RAB31: variants seen among roughly 807,000 people sequenced by gnomAD.
RAB31 encodes the protein RAB31, member RAS oncogene family.
Under a neutral mutation model 25.6 loss-of-function variants are expected in RAB31, and 21 were observed. The observed-to-expected ratio is 0.82, with a 90% CI of 0.58 to 1.18. The LOEUF is 1.18. Among genes scored for constraint, RAB31 ranks in the 50% most tolerant of loss-of-function variants. The probability of loss-of-function intolerance (pLI) is 0.00; values close to 1 mark genes in which losing one functional copy is unlikely to be tolerated. For missense variants in RAB31, 196 were observed against 250.1 expected (o/e 0.78, Z 1.46); for synonymous variants, 87 against 84.0 (o/e 1.04, Z -0.20).
intron 1 of RAB31, among the ~76,000 whole-genome samples, chr18:9,720,249 C>T (rs961812176): frequency 6.6e-6 from 1 of 152,206 alleles, no homozygotes; most frequent in Non-Finnish European, 1.5e-5. Flanking sequence ...CAGGCGTGAG[C>T]CACCACACCC....
intron 6 of RAB31, among the ~76,000 whole-genome samples, chr18:9,854,661 A>G (rs1194745963): frequency 6.6e-6 from 1 of 152,068 alleles, no homozygotes; most frequent in East Asian, 1.9e-4. Context: ...TAGTAATCCT[A>G]ATATTGTCTT....
At chr18:9,765,977 A>C (rs1174602316) in intron 1 of RAB31, among the ~76,000 whole-genome samples, 2 of 151,658 alleles carry the variant, frequency 1.3e-5, no homozygotes, top group Non-Finnish European at 2.9e-5. Flanking sequence ...GGGTGGGAGG[A>C]GTATATTCTC....
At chr18:9,837,527 A>C (rs1014652433) in intron 5 of RAB31, among the ~76,000 whole-genome samples, 1 of 152,252 alleles carries the variant, frequency 6.6e-6, no homozygotes, top group East Asian at 1.9e-4. Context: ...AATCAAATAC[A>C]AACAGCAGGT....
At position 9,740,719 on chromosome 18, in the gene RAB31, A is replaced by C. The variant is rs574815024; in HGVS notation, c.39+32275A>C. ...CAGAGTAAGACTCTGTCTCAAAAAA[A>C]AAAATTCTTTTGGTGGGTTAATGTT... is the stretch of plus-strand genomic sequence containing the variant. On this transcript the variant is annotated intron_variant, in intron 1 of 6. Coordinates refer to ENST00000578921, the MANE Select transcript of RAB31 (RefSeq NM_006868.4). Among the ~76,000 whole-genome samples the C allele has an allele frequency of 1.1e-4, 17 of 152,264 alleles. No homozygotes were observed. The East Asian group carries it at 3.1e-3, about 28-fold the overall frequency.
At chr18:9,771,044 A>G (rs2068342356) in intron 1 of RAB31, among the ~76,000 whole-genome samples, 1 of 151,956 alleles carries the variant, frequency 6.6e-6, no homozygotes, top group South Asian at 2.1e-4. Flanking sequence ...GGCGGTGCAC[A>G]CCTGTAGTCT....
chr18:9,747,078 A>G (rs1033966784), intron 1 of RAB31, among the ~76,000 whole-genome samples: 1 of 152,240 alleles, frequency 6.6e-6, no homozygotes, highest in Non-Finnish European at 1.5e-5. Flanking sequence ...AAGACAAAGT[A>G]CTCAGTTAAG....
intron 3 of RAB31, among the ~76,000 whole-genome samples, chr18:9,807,076 G>A (rs75639707): frequency 2.2e-3 from 333 of 152,286 alleles, no homozygotes; most frequent in African/African-American, 7.8e-3. Context: ...AACTTTGCTC[G>A]GACAGGAGGG....
intron 5 of RAB31, among the ~76,000 whole-genome samples, chr18:9,822,403 G>A (rs2143091506): frequency 6.6e-6 from 1 of 152,222 alleles, no homozygotes; most frequent in African/African-American, 2.4e-5. Flanking sequence ...GTTAGGCAAA[G>A]AGTTCTTAGA....
Position 9,719,334 on chromosome 18 carries a change from AAT to A in RAB31, c.39+10892_39+10893del, listed in dbSNP as rs1402319294. On this transcript the variant is annotated intron_variant, in intron 1 of 6. Transcript: ENST00000578921. Reference sequence around the variant, plus strand: ...ATATATATATATATATATATAAATAAATAAATTTGATCTAATTATGAGGGAGG... The same window carrying A: ...ATATATATATATATATATATAAATAAAAATTTGATCTAATTATGAGGGAGG... Among the ~76,000 whole-genome samples, 178 of 55,136 alleles carry A rather than the reference AAT, an allele frequency of 3.2e-3. 4 individuals carry two copies. Among genetic ancestry groups the A allele is most frequent in the Middle Eastern group, 0.011 (1 of 94 alleles). The allele number at this position is 55,136 out of a possible 152,430, so 36.2% of individuals were successfully genotyped here.
intron 5 of RAB31, among the ~76,000 whole-genome samples, chr18:9,821,388 A>C (rs932776498): frequency 1.3e-4 from 20 of 152,108 alleles, no homozygotes; most frequent in Middle Eastern, 3.2e-3. Flanking sequence ...AAGTGTGTCT[A>C]ACTAGAGTTT....
Position 9,749,950 on chromosome 18 carries a change from C to T in RAB31, c.40-25328C>T, listed in dbSNP as rs529108165. The stretch of plus-strand genomic sequence containing the variant: ...ACAAGAAAATTGAGCTCGTGACCTC[C>T]GTCCAGTGGGCCCTTTGATTCATTC... On this transcript the variant is annotated intron_variant, in intron 1 of 6. Transcript: ENST00000578921. Among the ~76,000 whole-genome samples, 6 of 152,262 alleles carry T rather than the reference C, an allele frequency of 3.9e-5. No homozygotes were observed. In the South Asian group the frequency reaches 6.2e-4, roughly 16 times the overall value.
chr18:9,761,917 G>A (rs1173948327), intron 1 of RAB31, among the ~76,000 whole-genome samples: 2 of 152,026 alleles, frequency 1.3e-5, no homozygotes, highest in African/African-American at 2.4e-5. Flanking sequence ...AACGATTCTC[G>A]TGCCTCAGCC....
At chr18:9,822,464 C>T (rs1029882261) in intron 5 of RAB31, among the ~76,000 whole-genome samples, 5 of 152,032 alleles carry the variant, frequency 3.3e-5, no homozygotes, top group Admixed American at 2.0e-4. Context: ...AAATTAGACA[C>T]CCTTAAAATT....
Position 9,814,100 on chromosome 18 carries a change from G to A in RAB31, c.273+9G>A. ...ATGATATTACCAAGCAGGTAAGAAT[G>A]TCTCCTTCAGAATTTAGATGTCATT... On this transcript the variant is annotated intron_variant, in intron 4 of 6. Coordinates refer to ENST00000578921, the MANE Select transcript of RAB31 (RefSeq NM_006868.4). 3 of 1,546,044 alleles carry A rather than the reference G, an allele frequency of 1.9e-6. No individual in the cohort carries two copies. The highest frequency in any genetic ancestry group is 2.3e-5 in the South Asian group (2 of 86,070).
intron 2 of RAB31, among the ~76,000 whole-genome samples, chr18:9,784,381 G>T (rs1568178239): frequency 6.6e-6 from 1 of 151,924 alleles, no homozygotes; most frequent in African/African-American, 2.4e-5. Flanking sequence ...GTTGTACAGG[G>T]ACACAAAGAT....
At chr18:9,800,424 C>T (rs2068508102) in intron 3 of RAB31, among the ~76,000 whole-genome samples, 1 of 152,190 alleles carries the variant, frequency 6.6e-6, no homozygotes, top group Non-Finnish European at 1.5e-5. Flanking sequence ...GTTTGACTTT[C>T]CATGGCTCTG....
At chr18:9,828,952 G>A (rs1220335421) in intron 5 of RAB31, among the ~76,000 whole-genome samples, 1 of 152,144 alleles carries the variant, frequency 6.6e-6, no homozygotes, top group Non-Finnish European at 1.5e-5. Flanking sequence ...CGTGTTCTGC[G>A]ACTGATGTGG....
intron 6 of RAB31, among the ~76,000 whole-genome samples, chr18:9,857,675 A>C (rs1160690146): frequency 8.1e-6 from 1 of 124,130 alleles, no homozygotes; most frequent in Non-Finnish European, 1.9e-5. Flanking sequence ...ATAGATAGAT[A>C]GATAGATAGA....
At chr18:9,820,220 C>T (rs1458113776) in intron 5 of RAB31, among the ~76,000 whole-genome samples, 3 of 152,070 alleles carry the variant, frequency 2.0e-5, no homozygotes, top group Admixed American at 1.3e-4. Flanking sequence ...AAATTCCCTT[C>T]TGCTCCTAGT....
Sources: gnomAD v4.1 joint callset for allele counts (sites outside exome capture counted in the v4.1 genomes callset) on GRCh38, gnomAD v4.1.1 for gene constraint, MANE v1.5 for transcripts, NCBI Gene and HGNC (gene_info 2026-07-23, HGNC 2026-07-21) for gene names.